The following FAM3C variants were observed in gnomAD, a reference collection of about 807,000 sequenced individuals.
FAM3C encodes FAM3 metabolism regulating signaling molecule C.
Under a neutral mutation model 32.5 loss-of-function variants are expected in FAM3C, and 15 were observed. The observed-to-expected ratio is 0.46, with a 90% confidence interval of 0.31 to 0.71. The LOEUF is 0.71. Among genes scored for constraint, FAM3C ranks in the 30% least tolerant of loss-of-function variants. The pLI is 0.05. For missense variants in FAM3C, 175 were observed against 274.4 expected, an observed-to-expected ratio of 0.64 and a Z score of 2.56; for synonymous variants, 75 against 86.1, an observed-to-expected ratio of 0.87 and a Z score of 0.72.
chr7:121,372,911 G>A (rs1233934290), intron 3 of FAM3C, among the ~76,000 whole-genome samples: 3 of 152,164 alleles, frequency 2.0e-5, no homozygotes, highest in African/African-American at 7.2e-5. Context: ...TGAACTTCCT[G>A]TAGGTCCAAT....
intron 1 of FAM3C, among the ~76,000 whole-genome samples, chr7:121,383,985 G>A (rs977678712): frequency 9.9e-5 from 15 of 152,090 alleles, no homozygotes; most frequent in African/African-American, 3.6e-4. Flanking sequence ...TTCACAGAAT[G>A]TGTCAAGAAA....
At chr7:121,386,692 C>A (rs1347474080) in intron 1 of FAM3C, among the ~76,000 whole-genome samples, 1 of 147,184 alleles carries the variant, frequency 6.8e-6, no homozygotes. Flanking sequence ...CACACGCACA[C>A]ATATATATAT....
chr7:121,389,663 T>C (rs769906783), intron 1 of FAM3C, among the ~76,000 whole-genome samples: 36 of 151,908 alleles, frequency 2.4e-4, no homozygotes, highest in Non-Finnish European at 4.1e-4. Context: ...CATTACATCC[T>C]ACCACTACTC....
intron 1 of FAM3C, among the ~76,000 whole-genome samples, chr7:121,394,204 C>T (rs111721799): frequency 0.013 from 2,035 of 152,214 alleles, 42 homozygotes; most frequent in African/African-American, 0.045. Context: ...TCGTTCAAAA[C>T]CTAAAATATA....
chr7:121,395,524 G>C (rs908772378), intron 1 of FAM3C, among the ~76,000 whole-genome samples: 1 of 151,416 alleles, frequency 6.6e-6, no homozygotes, highest in African/African-American at 2.4e-5. Context: ...AACAGCTGGA[G>C]CTCTCAATCT....
At chr7:121,389,712 T>C (rs1417100761) in intron 1 of FAM3C, among the ~76,000 whole-genome samples, 1 of 151,304 alleles carries the variant, frequency 6.6e-6, no homozygotes, top group Non-Finnish European at 1.5e-5. Flanking sequence ...ATGTGTATAA[T>C]CACCTAGCTG....
chr7:121,361,419 C>G (rs1793918636), intron 7 of FAM3C, among the ~76,000 whole-genome samples: 1 of 152,208 alleles, frequency 6.6e-6, no homozygotes, highest in South Asian at 2.1e-4. Flanking sequence ...TGGCAATAAA[C>G]TGCAACAATT....
chr7:121,381,528 GA>G (rs2116944545), intron 2 of FAM3C, among the ~76,000 whole-genome samples: 1 of 152,148 alleles, frequency 6.6e-6, no homozygotes, highest in South Asian at 2.1e-4. Context: ...CAAATAACAT[GA>G]ATTTAAAATT....
chr7:121,385,596 C>A (rs987359150), intron 1 of FAM3C, among the ~76,000 whole-genome samples: 3 of 152,178 alleles, frequency 2.0e-5, no homozygotes, highest in Non-Finnish European at 4.4e-5. Context: ...AGGTAGAAAT[C>A]AAGCTACTAT....
chr7:121,387,363 CT>C (rs34802782), intron 1 of FAM3C, among the ~76,000 whole-genome samples: 1 of 152,068 alleles, frequency 6.6e-6, no homozygotes, highest in African/African-American at 2.4e-5. Flanking sequence ...AACAGTCCAA[CT>C]TTTTTTGCTG....
intron 1 of FAM3C, among the ~76,000 whole-genome samples, chr7:121,394,368 G>C (rs917523230): frequency 5.3e-5 from 8 of 152,094 alleles, no homozygotes; most frequent in Non-Finnish European, 1.0e-4. Context: ...CAATGCTTAA[G>C]GCAGCAATCC....
At chr7:121,374,002 A>G (rs1368726175) in intron 3 of FAM3C, among the ~76,000 whole-genome samples, 1 of 152,092 alleles carries the variant, frequency 6.6e-6, no homozygotes, top group Non-Finnish European at 1.5e-5. Flanking sequence ...TCTCAAAAAA[A>G]AAAAAGAAAA....
rs186981782 is a variant in FAM3C, at chr7:121,363,166, T to C, written c.332-219A>G. 2.6e-5 allele frequency among the ~76,000 whole-genome samples: 4 copies of C among 152,306 alleles called. No homozygotes were observed. In the East Asian group the frequency reaches 7.7e-4, roughly 29 times the overall value. ...ATATTTTTAAAGGGTAATTTCTTAA[T>C]AGAACTTTCTCATTAATCTTTTAAG... On this transcript the variant is annotated intron_variant, in intron 6 of 9. Coordinates refer to ENST00000359943, the MANE Select transcript of FAM3C (RefSeq NM_014888.3).
intron 8 of FAM3C, among the ~76,000 whole-genome samples, chr7:121,352,758 G>A (rs1793730270): frequency 6.6e-6 from 1 of 152,186 alleles, no homozygotes; most frequent in Non-Finnish European, 1.5e-5. Flanking sequence ...GGTGCTAGAG[G>A]GAAATGCCCC....
At chr7:121,354,905 A>G (rs1005283251) in intron 8 of FAM3C, among the ~76,000 whole-genome samples, 7 of 152,210 alleles carry the variant, frequency 4.6e-5, no homozygotes, top group Non-Finnish European at 7.3e-5. Context: ...AATTAGTGCT[A>G]TCATAGGGAT....
chr7:121,371,516 A>C, intron 4 of FAM3C, 93 bp from the exon 5 acceptor site: 1 of 1,314,004 alleles, frequency 7.6e-7, no homozygotes, highest in Admixed American at 1.9e-5. Flanking sequence ...AAAGAGCATT[A>C]AGAAAAACAT....
chr7:121,386,914 A>AT (rs1185263312), intron 1 of FAM3C, among the ~76,000 whole-genome samples: 3 of 152,084 alleles, frequency 2.0e-5, no homozygotes, highest in Admixed American at 6.6e-5. Flanking sequence ...AAAGCATGGT[A>AT]TTTTTTAAAA....
chr7:121,371,931 C>T (rs1794155588), intron 4 of FAM3C, among the ~76,000 whole-genome samples, 179 bp downstream of exon 4: 1 of 152,072 alleles, frequency 6.6e-6, no homozygotes, highest in South Asian at 2.1e-4. Context: ...ACAAAATATC[C>T]ATCATGAATA....
In FAM3C at chr7:121,364,338, T is replaced by A. The variant is rs188584342; in HGVS notation, c.273-150A>T. ...GGAAATTAAAAAGATCTCTACTAAG[T>A]CAGAGAAGACAGTCTAATACTGAAT... is the stretch of plus-strand genomic sequence containing the variant. On this transcript the variant is annotated intron_variant, in intron 5 of 9. Transcript: ENST00000359943. 391 of 603,740 alleles carry A rather than the reference T, an allele frequency of 6.5e-4. 2 individuals are homozygous for A. Among genetic ancestry groups the A allele is most frequent in the Middle Eastern group, 4.9e-3 (11 of 2,254 alleles). The allele number at this position is 603,740 out of a possible 1,614,324, so 37.4% of individuals were successfully genotyped here.
Sources: allele counts gnomAD v4.1 joint callset (sites outside exome capture counted in the v4.1 genomes callset), GRCh38; gene constraint gnomAD v4.1.1; transcripts MANE v1.5; gene names NCBI Gene and HGNC (gene_info 2026-07-23, HGNC 2026-07-21).